The following H6PD variants were observed in gnomAD, a reference collection of about 807,000 sequenced individuals.
The protein encoded by H6PD is hexose-6-phosphate dehydrogenase/glucose 1-dehydrogenase, also known as GDH/6PGL endoplasmic bifunctional protein.
H6PD carries 48 observed loss-of-function variants against 61.2 expected under a neutral mutation model. The ratio of observed to expected loss-of-function variants is 0.78; its 90% CI spans 0.62 to 1.00. H6PD has a LOEUF of 1.00. H6PD is among the 50% of genes least tolerant of loss of function. The pLI, the probability that H6PD is intolerant of heterozygous loss-of-function variation, is 0.00. For missense variants in H6PD, 1,093 were observed against 1,065.0 expected (o/e 1.03, Z -0.37); for synonymous variants, 480 against 457.9 (o/e 1.05, Z -0.62).
At chr1:9,242,178 G>T (rs992915419) in intron 1 of H6PD, among the ~76,000 whole-genome samples, 14 of 152,136 alleles carry the variant, frequency 9.2e-5, no homozygotes, top group Admixed American at 9.2e-4. Flanking sequence ...CTGCTCTGGT[G>T]CTCGCTGCTC....
intron 3 of H6PD, among the ~76,000 whole-genome samples, chr1:9,252,377 C>G (rs1045349699): frequency 6.6e-6 from 1 of 152,070 alleles, no homozygotes; most frequent in Non-Finnish European, 1.5e-5. Flanking sequence ...TTTTATTAAG[C>G]TTTTTGGTTG....
intron 3 of H6PD, among the ~76,000 whole-genome samples, chr1:9,253,216 A>G (rs372545920): frequency 6.6e-6 from 1 of 152,206 alleles, no homozygotes; most frequent in East Asian, 1.9e-4. Context: ...CGTGTTAAAC[A>G]CAGGCGCACC....
chr1:9,269,230 C>T lies in H6PD; in HGVS notation c.*4361C>T, dbSNP rs2071931. On this transcript the variant is annotated 3_prime_UTR_variant, in exon 5 of 5. Transcript: ENST00000377403. The surrounding 1 kb of genome is among the most constrained non-coding windows in gnomAD (Gnocchi z 4.3). ...ATAGGCCATGTGACCCACTAGGGGCCGCTTACCCCTGGCCGTCCGCTGGCT... is the reference window on the plus strand; with the variant it reads ...ATAGGCCATGTGACCCACTAGGGGCTGCTTACCCCTGGCCGTCCGCTGGCT... 29,070 of 152,208 alleles carry T rather than the reference C, an allele frequency of 0.19. 2,844 individuals carry two copies. Among genetic ancestry groups the T allele is most frequent in the Middle Eastern group, 0.25 (73 of 294 alleles). 9.4% of individuals were successfully genotyped at this position (152,208 alleles called of 1,614,324 possible).
Position 9,264,196 on chromosome 1 carries a change from C to A in H6PD, c.1703C>A (p.Ala568Asp), listed in dbSNP as rs746011937. ...TCCGAGGAGCTGATCTCTAAGCTGG[C>A]TAATGACATCGAGGCCACCGCTGTG... ...AWSEELISKL[A>D]NDIEATAVRA... The change falls in exon 5 of 5, where the codon GCT (alanine) becomes GAT (aspartate). Residue 568 changes from alanine to aspartate, a missense_variant. Coordinates refer to ENST00000377403, the MANE Select transcript of H6PD (RefSeq NM_004285.4). 1 of 1,611,438 alleles carries A rather than the reference C, an allele frequency of 6.2e-7. No homozygotes were observed. The highest frequency in any genetic ancestry group is 8.5e-7 in the Non-Finnish European group (1 of 1,178,788).
intron 3 of H6PD, among the ~76,000 whole-genome samples, chr1:9,259,148 C>T (rs567051997): frequency 7.9e-5 from 12 of 152,278 alleles, no homozygotes; most frequent in East Asian, 5.8e-4. Context: ...CCCGCCACCA[C>T]GCCCAGCTAA....
rs1343864610 is a variant in H6PD, at chr1:9,234,824, G to C, written c.-253G>C. On this transcript the variant is annotated 5_prime_UTR_variant, in exon 1 of 5. Coordinates refer to ENST00000377403, the MANE Select transcript of H6PD (RefSeq NM_004285.4). ...AGGCCTGAGGCCTGAGGCCTGGGGC[G>C]GGGTGGCGGCCGGGCTGGCCTTGGC... 6.8e-6 allele frequency: 1 copy of C among 147,056 alleles called. No individual in the cohort carries two copies. Among genetic ancestry groups the C allele is most frequent in the Non-Finnish European group, 1.5e-5 (1 of 66,302 alleles). 9.1% of individuals were successfully genotyped at this position (147,056 alleles called of 1,614,324 possible). A position where few individuals can be genotyped will look rare whatever the true frequency, so the allele number is the denominator to read the frequency against.
chr1:9,262,212 T>A lies in H6PD; in HGVS notation c.899T>A (p.Leu300Gln). 6.2e-7 allele frequency: 1 copy of A among 1,614,024 alleles called. No homozygotes were observed. Among genetic ancestry groups the A allele is most frequent in the Non-Finnish European group, 8.5e-7 (1 of 1,179,932 alleles). Residue 300 changes from leucine to glutamine, a missense_variant, in exon 4 of 5, where the codon CTG (leucine) becomes CAG (glutamine). Physicochemically the swap from Leu to Gln is moderately radical, Grantham distance 113 (BLOSUM62 -2). Transcript: ENST00000377403. ...CACAAGCTTCAGGTCTTCCAGGCGC[T>A]GCGGGGCCTGCAGAGGGGCAGTGCC... Reference protein sequence around the residue: ...LRHKLQVFQALRGLQRGSAVV... With the variant: ...LRHKLQVFQAQRGLQRGSAVV...
rs1269473173 is a variant in H6PD, at chr1:9,262,043, C to A, written c.746-16C>A. 3.5e-5 allele frequency: 56 copies of A among 1,613,904 alleles called. No individual in the cohort carries two copies. In the East Asian group the frequency reaches 1.2e-3, roughly 35 times the overall value. Reference sequence around the variant, plus strand: ...TCTCTTTAGATCCTCCCCACTTCTCCACCTCCCTCCACCAGGCCGCACCAG... The same window carrying A: ...TCTCTTTAGATCCTCCCCACTTCTCAACCTCCCTCCACCAGGCCGCACCAG... On this transcript the variant is annotated splice_polypyrimidine_tract_variant and intron_variant, in intron 3 of 4. Coordinates refer to ENST00000377403, the MANE Select transcript of H6PD (RefSeq NM_004285.4).
At chr1:9,263,455 C>T (rs765290945) in intron 4 of H6PD, 54 bp from the exon 5 acceptor site, 56 of 1,573,720 alleles carry the variant, frequency 3.6e-5, no homozygotes, top group Admixed American at 6.7e-5. Context: ...GAGGGCTGGC[C>T]GGAGAGTCCT....
intron 3 of H6PD, among the ~76,000 whole-genome samples, chr1:9,252,811 G>T (rs562062685): frequency 1.3e-5 from 2 of 152,282 alleles, no homozygotes; most frequent in South Asian, 4.1e-4. Flanking sequence ...GGCGGGCACA[G>T]CCATGGCCCC....
intron 1 of H6PD, chr1:9,243,076 C>T (rs917388314): frequency 3.0e-5 from 17 of 569,260 alleles, no homozygotes; most frequent in South Asian, 2.3e-4. Flanking sequence ...CAGTGATGGA[C>T]GCGTCGTGTG....
intron 3 of H6PD, among the ~76,000 whole-genome samples, chr1:9,259,647 ACGTTGTTGTTATGCTGGTGTTG>A (rs1275102688): frequency 6.6e-6 from 1 of 151,096 alleles, no homozygotes; most frequent in Non-Finnish European, 1.5e-5. Context: ...AGCTGGTGTT[ACGTTGTTGTTATGCTGGTGTTG>A]TTACATTGCT....
In H6PD at chr1:9,263,598, G is replaced by A. The variant is rs201145062; in HGVS notation, c.1105G>A (p.Ala369Thr). 212 of 1,614,090 alleles carry A rather than the reference G, an allele frequency of 1.3e-4. No homozygotes were observed. The highest frequency in any genetic ancestry group is 1.6e-4 in the Non-Finnish European group (190 of 1,180,032). ...GKALDERVGY[A>T]RILFKNQACC... ...AGCCTTGGACGAGAGAGTGGGCTAC[G>A]CTCGGATCTTGTTCAAGAACCAGGC... The change falls in exon 5 of 5, where the codon GCT (alanine) becomes ACT (threonine). Residue 369 changes from alanine to threonine, a missense_variant. Physicochemically the swap from Ala to Thr is moderately conservative, Grantham distance 58. Coordinates refer to ENST00000377403, the MANE Select transcript of H6PD (RefSeq NM_004285.4).
intron 1 of H6PD, among the ~76,000 whole-genome samples, chr1:9,242,188 C>T (rs1347426524): frequency 6.6e-6 from 1 of 152,164 alleles, no homozygotes; most frequent in Non-Finnish European, 1.5e-5. Context: ...GCTCGCTGCT[C>T]AGTATTCCGG....
At chr1:9,261,202 C>A (rs1638277284) in intron 3 of H6PD, among the ~76,000 whole-genome samples, 1 of 152,188 alleles carries the variant, frequency 6.6e-6, no homozygotes, top group Non-Finnish European at 1.5e-5. Flanking sequence ...GCCTCAGATC[C>A]TCCAGTGTCC....
intron 1 of H6PD, 102 bp from the exon 2 acceptor site, chr1:9,244,820 CGTG>C: frequency 9.8e-7 from 1 of 1,021,822 alleles, no homozygotes; most frequent in Non-Finnish European, 1.5e-6. Flanking sequence ...TTAAGAAACA[CGTG>C]GTGGTTTCTT....
chr1:9,266,916 G>A lies in H6PD; in HGVS notation c.*2047G>A, dbSNP rs1638578704. The A allele has an allele frequency of 6.6e-6, 1 of 152,000 alleles. No individual in the cohort carries two copies. The highest frequency in any genetic ancestry group is 1.5e-5 in the Non-Finnish European group (1 of 68,032). 9.4% of individuals were successfully genotyped at this position (152,000 alleles called of 1,614,324 possible). A position where few individuals can be genotyped will look rare whatever the true frequency, so the allele number is the denominator to read the frequency against. ...GCTCACTACAACCTCCACCTCCCGG[G>A]TTCAGGCAATTCTCGTGCCTAAGCC... is the stretch of plus-strand genomic sequence containing the variant. On this transcript the variant is annotated 3_prime_UTR_variant, in exon 5 of 5. Transcript: ENST00000377403.
At chr1:9,260,273 T>TA (rs1369129163) in intron 3 of H6PD, among the ~76,000 whole-genome samples, 3 of 150,318 alleles carry the variant, frequency 2.0e-5, no homozygotes, top group Admixed American at 6.6e-5. Context: ...ATGTTGTCGT[T>TA]ACGCCAGTGC....
chr1:9,237,171 A>G (rs761164021), intron 1 of H6PD, among the ~76,000 whole-genome samples: 1 of 150,506 alleles, frequency 6.6e-6, no homozygotes, highest in Non-Finnish European at 1.5e-5. Context: ...CTCTGGGACC[A>G]GACTGCCTGT....
Sources: gnomAD v4.1 joint callset for allele counts (sites outside exome capture counted in the v4.1 genomes callset) on GRCh38, gnomAD v4.1.1 for gene constraint, Gnocchi (gnomAD v3.1) non-coding constraint, MANE v1.5 for transcripts, NCBI Gene and HGNC (gene_info 2026-07-23, HGNC 2026-07-21) for gene names.